The following ABTB2 variants were observed in gnomAD, a reference collection of about 807,000 sequenced individuals.
ABTB2 encodes ankyrin repeat and BTB domain containing 2, also known as ankyrin repeat and BTB/POZ domain-containing protein 2.
In ABTB2, 56 loss-of-function variants were observed where a neutral mutation model predicts 104.1. That is an observed-to-expected ratio of 0.54 (90% CI 0.43 to 0.67). The LOEUF (loss-of-function observed/expected upper bound fraction) is 0.67. ABTB2 is among the 30% of genes least tolerant of loss of function. The pLI, the probability that ABTB2 is intolerant of heterozygous loss-of-function variation, is 0.00. For missense variants in ABTB2, 1,279 were observed against 1,407.7 expected (o/e 0.91, Z 1.46); for synonymous variants, 606 against 608.2 (o/e 1.00, Z 0.05).
At chr11:34,306,982 TAAAAAAAAA>T (rs61161318) in intron 1 of ABTB2, among the ~76,000 whole-genome samples, 41 of 94,542 alleles carry the variant, frequency 4.3e-4, no homozygotes, top group African/African-American at 1.4e-3. Flanking sequence ...TCAGGAAACT[TAAAAAAAAA>T]AAAAAAAAAA....
chr11:34,258,714 C>T (rs1854154194), intron 1 of ABTB2, among the ~76,000 whole-genome samples: 1 of 149,876 alleles, frequency 6.7e-6, no homozygotes, highest in South Asian at 2.1e-4. Context: ...TGGGCTCAAG[C>T]AGTTCTCCTG....
rs1853710604 is a variant in ABTB2 at position 34,228,110 on chromosome 11, G to A, written c.884-23420C>T. Among the ~76,000 whole-genome samples the A allele has an allele frequency of 2.9e-5, 2 of 68,908 alleles. 1 individual carries two copies. Among genetic ancestry groups the A allele is most frequent in the African/African-American group, 9.9e-5 (2 of 20,252 alleles). The allele number at this position is 68,908 out of a possible 152,430, so 45.2% of individuals were successfully genotyped here. A position where few individuals can be genotyped will look rare whatever the true frequency, so the allele number is the denominator to read the frequency against. On this transcript the variant is annotated intron_variant, in intron 1 of 16. Transcript: ENST00000435224. Reference sequence around the variant, plus strand: ...GGCTGGAGTGCAGTGGTGTAATCTTGGCTCAGTAGCATGATCTTGGCTCAC... The same window carrying A: ...GGCTGGAGTGCAGTGGTGTAATCTTAGCTCAGTAGCATGATCTTGGCTCAC...
At chr11:34,153,207 G>A (rs553445999) in intron 16 of ABTB2, among the ~76,000 whole-genome samples, 1 of 152,306 alleles carries the variant, frequency 6.6e-6, no homozygotes, top group East Asian at 1.9e-4. Context: ...AAAAGTCCTG[G>A]GGTCTGGGCA....
chr11:34,278,497 T>G (rs1854411540), intron 1 of ABTB2, among the ~76,000 whole-genome samples: 1 of 152,228 alleles, frequency 6.6e-6, no homozygotes. Context: ...TGAGAACCAC[T>G]TTGGGGATTA....
At chr11:34,311,458 A>G (rs1854852490) in intron 1 of ABTB2, among the ~76,000 whole-genome samples, 1 of 152,190 alleles carries the variant, frequency 6.6e-6, no homozygotes, top group African/African-American at 2.4e-5. Context: ...AAAACATCTC[A>G]TCTTGCAGTG....
intron 3 of ABTB2, among the ~76,000 whole-genome samples, chr11:34,192,032 T>C (rs572596215): frequency 6.6e-6 from 1 of 152,354 alleles, no homozygotes; most frequent in South Asian, 2.1e-4. Flanking sequence ...GGCTCATGGC[T>C]ATAATCCCAG....
At chr11:34,301,547 T>C (rs1445735884) in intron 1 of ABTB2, among the ~76,000 whole-genome samples, 2 of 152,216 alleles carry the variant, frequency 1.3e-5, no homozygotes, top group Admixed American at 6.5e-5. Context: ...AAGAAGAGAA[T>C]AGATAAATGC....
At position 34,177,642 on chromosome 11, in the gene ABTB2, G is replaced by T. The variant is rs143102336; in HGVS notation, c.1245-4335C>A. On this transcript the variant is annotated intron_variant, in intron 3 of 16. Coordinates refer to ENST00000435224, the MANE Select transcript of ABTB2 (RefSeq NM_145804.3). ...TGGTAGTGATGGTGAAATGATAAAA[G>T]CAATAGCAAAGTCTTTTTTTCTTTT... Among the ~76,000 whole-genome samples, 672 of 152,162 alleles carry T rather than the reference G, an allele frequency of 4.4e-3. 4 individuals are homozygous for T. The highest frequency in any genetic ancestry group is 0.016 in the African/African-American group (645 of 41,498).
intron 1 of ABTB2, among the ~76,000 whole-genome samples, chr11:34,302,637 T>A (rs770405633): frequency 1.3e-5 from 2 of 152,186 alleles, no homozygotes; most frequent in Non-Finnish European, 2.9e-5. Flanking sequence ...AATGAGTCAG[T>A]GTTTGTGGCT....
In ABTB2 at chr11:34,252,528, T is replaced by C. The variant is rs1293149047; in HGVS notation, c.884-47838A>G. 6.6e-6 allele frequency among the ~76,000 whole-genome samples: 1 copy of C among 151,942 alleles called. No individual in the cohort carries two copies. The highest frequency in any genetic ancestry group is 6.6e-5 in the Admixed American group (1 of 15,256). ...GATTCCTAACCTGTGCTAGGGCATCTCCTGTGCCACTCCCCCAACCCTCCA... is the reference window on the plus strand; with the variant it reads ...GATTCCTAACCTGTGCTAGGGCATCCCCTGTGCCACTCCCCCAACCCTCCA... On this transcript the variant is annotated intron_variant, in intron 1 of 16. Transcript: ENST00000435224. The surrounding 1 kb of genome is among the most constrained non-coding windows in gnomAD (Gnocchi z 5.5).
intron 1 of ABTB2, among the ~76,000 whole-genome samples, chr11:34,221,043 C>T (rs2133050641): frequency 6.6e-6 from 1 of 151,862 alleles, no homozygotes; most frequent in Admixed American, 6.6e-5. Flanking sequence ...GATCTTGGCT[C>T]ACTGCAACCT....
intron 1 of ABTB2, among the ~76,000 whole-genome samples, chr11:34,325,972 A>AAATAC (rs1431535360): frequency 6.8e-6 from 1 of 147,588 alleles, no homozygotes; most frequent in South Asian, 2.1e-4. Flanking sequence ...AAATAAAATA[A>AAATAC]AATAAAATAA....
At chr11:34,243,744 T>C (rs1192819813) in intron 1 of ABTB2, among the ~76,000 whole-genome samples, 3 of 152,212 alleles carry the variant, frequency 2.0e-5, no homozygotes, top group Non-Finnish European at 2.9e-5. Flanking sequence ...TTGAAGCCTA[T>C]GGTTAGACCT....
chr11:34,355,278 AAAC>A (rs1330117432), intron 1 of ABTB2, among the ~76,000 whole-genome samples: 1 of 152,196 alleles, frequency 6.6e-6, no homozygotes, highest in African/African-American at 2.4e-5. Flanking sequence ...ACAAACAAAC[AAAC>A]AACAACAACA....
intron 1 of ABTB2, among the ~76,000 whole-genome samples, chr11:34,274,129 G>A (rs1032917465): frequency 3.7e-5 from 5 of 134,476 alleles, no homozygotes; most frequent in East Asian, 4.2e-4. Context: ...TCCGCAGTCC[G>A]GCCTGGGCGA....
intron 1 of ABTB2, among the ~76,000 whole-genome samples, chr11:34,221,871 T>C (rs766089863): frequency 6.6e-6 from 1 of 152,238 alleles, no homozygotes; most frequent in Non-Finnish European, 1.5e-5. Flanking sequence ...AAACACTGTC[T>C]CTATTAAAAA....
In ABTB2 at chr11:34,197,526, G is replaced by C; in HGVS notation, c.1043C>G (p.Ser348Cys). The C allele has an allele frequency of 6.3e-7, 1 of 1,579,964 alleles. No homozygotes were observed. The highest frequency in any genetic ancestry group is 8.5e-7 in the Non-Finnish European group (1 of 1,169,684). ...GSISELSDLV[S>C]RAMHHMQGRH... The stretch of plus-strand genomic sequence containing the variant: ...CCCCTGCATGTGGTGCATGGCACGG[G>C]AGACCAAGTCACCTGGTGGGGGGCG... Residue 348 changes from serine (S) to cysteine (C), a missense_variant, in exon 3 of 17, where the codon TCC (serine) becomes TGC (cysteine). Transcript: ENST00000435224.
rs145939090 is a variant in ABTB2 at position 34,177,762 on chromosome 11, T to C, written c.1245-4455A>G. The stretch of plus-strand genomic sequence containing the variant: ...TTTTATATTTTTAGCAGAGATGGGG[T>C]TTCACCATGTTGCCCAGGCTGGTCT... On this transcript the variant is annotated intron_variant, in intron 3 of 16. Transcript: ENST00000435224. Among the ~76,000 whole-genome samples, 675 of 152,064 alleles carry C rather than the reference T, an allele frequency of 4.4e-3. 4 individuals carry two copies. The highest frequency in any genetic ancestry group is 0.016 in the African/African-American group (648 of 41,454).
At chr11:34,172,416 A>G (rs61880408) in intron 4 of ABTB2, among the ~76,000 whole-genome samples, 1,679 of 63,346 alleles carry the variant, frequency 0.027, 101 homozygotes, top group South Asian at 0.046. Context: ...ATATATATAT[A>G]TATGTGTGTG....
Sources: allele counts gnomAD v4.1 joint callset (sites outside exome capture counted in the v4.1 genomes callset), GRCh38; gene constraint gnomAD v4.1.1; non-coding constraint Gnocchi (gnomAD v3.1); transcripts MANE v1.5; gene names NCBI Gene and HGNC (gene_info 2026-07-23, HGNC 2026-07-21).